The following JARID2 variants were observed in gnomAD, a reference collection of about 807,000 sequenced individuals.
JARID2 encodes protein Jumonji.
JARID2 carries 21 observed loss-of-function variants against 125.6 expected under a neutral mutation model. That is an observed-to-expected ratio of 0.17 (90% CI 0.12 to 0.24). The LOEUF is 0.24. JARID2 is among the 10% of genes least tolerant of loss of function. JARID2 has a pLI of 1.00. For missense variants in JARID2, 1,303 were observed against 1,639.6 expected, an observed-to-expected ratio of 0.79 and a Z score of 3.55; for synonymous variants, 736 against 661.6, an observed-to-expected ratio of 1.11 and a Z score of -1.73.
intron 1 of JARID2, among the ~76,000 whole-genome samples, chr6:15,353,969 A>G (rs1461967775): frequency 6.6e-6 from 1 of 152,258 alleles, no homozygotes; most frequent in Non-Finnish European, 1.5e-5. Flanking sequence ...TTAAGATAAC[A>G]GTCCCCTCTG....
chr6:15,290,655 G>T (rs1761171908), intron 1 of JARID2, among the ~76,000 whole-genome samples: 1 of 152,122 alleles, frequency 6.6e-6, no homozygotes, highest in Non-Finnish European at 1.5e-5. Context: ...GCCTTGCGCT[G>T]TCACCCAGGC....
chr6:15,459,519 A>T (rs1304883819), intron 4 of JARID2, among the ~76,000 whole-genome samples: 1 of 152,186 alleles, frequency 6.6e-6, no homozygotes, highest in Non-Finnish European at 1.5e-5. Context: ...CCATGGGTGC[A>T]GAAGTGTCTG....
At chr6:15,478,439 G>A (rs1409722622) in intron 5 of JARID2, among the ~76,000 whole-genome samples, 1 of 151,988 alleles carries the variant, frequency 6.6e-6, no homozygotes, top group Non-Finnish European at 1.5e-5. Context: ...GTTTTTTCGT[G>A]CTAATGTTTT....
chr6:15,367,428 CTAA>C (rs1449584429), intron 1 of JARID2, among the ~76,000 whole-genome samples: 1 of 152,164 alleles, frequency 6.6e-6, no homozygotes, highest in African/African-American at 2.4e-5. Context: ...ATCCCCACTA[CTAA>C]TAATAGTTTT....
intron 2 of JARID2, among the ~76,000 whole-genome samples, chr6:15,393,415 T>C (rs1448204713): frequency 6.6e-6 from 1 of 152,254 alleles, no homozygotes; most frequent in Non-Finnish European, 1.5e-5. Context: ...GGTAGCTCCA[T>C]CTCATTTCCA....
chr6:15,315,979 T>G (rs1346891356), intron 1 of JARID2, among the ~76,000 whole-genome samples: 2 of 152,002 alleles, frequency 1.3e-5, no homozygotes, highest in Non-Finnish European at 2.9e-5. Context: ...GAACCAAGAT[T>G]AGAAAGAACA....
At chr6:15,246,608 C>G in intron 1 of JARID2, 24 bp downstream of exon 1, 5 of 1,594,300 alleles carry the variant, frequency 3.1e-6, no homozygotes, top group Non-Finnish European at 4.3e-6. Flanking sequence ...ACAACACATC[C>G]TTTGACTTGC....
intron 3 of JARID2, among the ~76,000 whole-genome samples, chr6:15,419,692 C>A (rs1766398880): frequency 1.3e-5 from 2 of 152,220 alleles, no homozygotes; most frequent in Non-Finnish European, 2.9e-5. Context: ...ACCATCAGTA[C>A]TTCAGTGACA....
At chr6:15,263,653 C>T (rs1379235966) in intron 1 of JARID2, among the ~76,000 whole-genome samples, 1 of 145,788 alleles carries the variant, frequency 6.9e-6, no homozygotes, top group Non-Finnish European at 1.5e-5. Flanking sequence ...AGTGCAGTGG[C>T]GCGATCTCCA....
chr6:15,367,711 G>C (rs1764028129), intron 1 of JARID2, among the ~76,000 whole-genome samples: 2 of 152,210 alleles, frequency 1.3e-5, no homozygotes, highest in African/African-American at 4.8e-5. Flanking sequence ...GGAGAAAGCA[G>C]TGGTGTGGAC....
chr6:15,513,719 T>G (rs1268556791), intron 16 of JARID2, among the ~76,000 whole-genome samples: 2 of 152,228 alleles, frequency 1.3e-5, no homozygotes, highest in African/African-American at 4.8e-5. Flanking sequence ...CGCCCTACTT[T>G]GTCACTCCAG....
At chr6:15,470,176 C>CAA (rs34467447) in intron 5 of JARID2, among the ~76,000 whole-genome samples, 4,619 of 128,792 alleles carry the variant, frequency 0.036, 240 homozygotes, top group African/African-American at 0.11. Flanking sequence ...GACTCTGTCT[C>CAA]AAAAAAAAAA....
chr6:15,295,443 A>G (rs1320818011), intron 1 of JARID2, among the ~76,000 whole-genome samples: 2 of 152,102 alleles, frequency 1.3e-5, no homozygotes, highest in Non-Finnish European at 2.9e-5. Context: ...ATTAGAAGTT[A>G]ATTTATATAG....
chr6:15,360,040 T>C lies in JARID2; in HGVS notation c.46-14077T>C, dbSNP rs1472528887. 2.0e-5 allele frequency among the ~76,000 whole-genome samples: 3 copies of C among 152,180 alleles called. No homozygotes were observed. The South Asian group carries it at 6.2e-4, about 32-fold the overall frequency. ...TTACATTAGCAAAACCAAAACCTCA[T>C]CTCTTATGAGTTAGGGCTTGTGATG... On this transcript the variant is annotated intron_variant, in intron 1 of 17. Coordinates refer to ENST00000341776, the MANE Select transcript of JARID2 (RefSeq NM_004973.4).
intron 2 of JARID2, among the ~76,000 whole-genome samples, chr6:15,390,967 G>A (rs1018932946): frequency 6.6e-6 from 1 of 152,272 alleles, no homozygotes; most frequent in Middle Eastern, 3.4e-3. Context: ...CTCAGAGGTG[G>A]TATTCTTACG....
At chr6:15,285,426 T>C (rs186545245) in intron 1 of JARID2, among the ~76,000 whole-genome samples, 65 of 152,266 alleles carry the variant, frequency 4.3e-4, no homozygotes, top group Admixed American at 3.9e-3. Context: ...CGCCCAGCCG[T>C]CAGTGTACTT....
At chr6:15,436,030 G>A (rs965417381) in intron 3 of JARID2, among the ~76,000 whole-genome samples, 8 of 152,184 alleles carry the variant, frequency 5.3e-5, no homozygotes, top group African/African-American at 7.2e-5. Flanking sequence ...GCATACAGAC[G>A]GGCAGGTTGT....
intron 1 of JARID2, among the ~76,000 whole-genome samples, chr6:15,282,773 G>T (rs756774955): frequency 1.3e-5 from 2 of 151,784 alleles, no homozygotes; most frequent in African/African-American, 2.4e-5. Flanking sequence ...AGCTAATTTT[G>T]TATTTTTAGT....
At chr6:15,469,260 T>TTCTCTCTG (rs1212117801) in intron 5 of JARID2, among the ~76,000 whole-genome samples, 7 of 139,532 alleles carry the variant, frequency 5.0e-5, no homozygotes, top group African/African-American at 1.1e-4. Flanking sequence ...TAGTGGTCTT[T>TTCTCTCTG]TCTCTCTGTC....
Sources: gnomAD v4.1 joint callset for allele counts (sites outside exome capture counted in the v4.1 genomes callset) on GRCh38, gnomAD v4.1.1 for gene constraint, MANE v1.5 for transcripts, NCBI Gene and HGNC (gene_info 2026-07-23, HGNC 2026-07-21) for gene names.